The following NRP1 variants were observed in gnomAD, a reference collection of about 807,000 sequenced individuals.
The protein encoded by NRP1 is neuropilin-1.
NRP1 carries 35 observed loss-of-function variants against 106.7 expected under a neutral mutation model. The ratio of observed to expected loss-of-function variants is 0.33; its 90% CI spans 0.25 to 0.43. NRP1 has a LOEUF of 0.43. Ranked by LOEUF, NRP1 falls within the 20% of genes least tolerant of loss-of-function variation. NRP1 has a pLI of 1.00. For missense variants in NRP1, 1,024 were observed against 1,170.4 expected (o/e 0.87, Z 1.83); for synonymous variants, 437 against 417.9 (o/e 1.05, Z -0.56).
intron 2 of NRP1, among the ~76,000 whole-genome samples, chr10:33,307,812 G>A (rs1564474789): frequency 6.6e-6 from 1 of 152,072 alleles, no homozygotes; most frequent in Non-Finnish European, 1.5e-5. Flanking sequence ...CCAAATGCTT[G>A]TTTTTAAAAA....
At chr10:33,217,691 C>T (rs1309498991) in intron 8 of NRP1, among the ~76,000 whole-genome samples, 1 of 152,126 alleles carries the variant, frequency 6.6e-6, no homozygotes, top group African/African-American at 2.4e-5. Flanking sequence ...TTGCATGGGA[C>T]ATACTTATTC....
intron 6 of NRP1, among the ~76,000 whole-genome samples, chr10:33,251,948 C>A (rs538406141): frequency 3.3e-5 from 5 of 152,192 alleles, no homozygotes; most frequent in African/African-American, 9.6e-5. Context: ...AGGGCTCCAC[C>A]CCCACGGACC....
chr10:33,244,942 T>C (rs965560303), intron 6 of NRP1, among the ~76,000 whole-genome samples: 3 of 152,198 alleles, frequency 2.0e-5, no homozygotes, highest in Non-Finnish European at 4.4e-5. Context: ...TGAGACCCAA[T>C]TGTACAGGCT....
chr10:33,227,658 A>G (rs1290841854), intron 6 of NRP1, among the ~76,000 whole-genome samples: 2 of 151,930 alleles, frequency 1.3e-5, no homozygotes, highest in African/African-American at 4.8e-5. Flanking sequence ...TTCATCTCTC[A>G]CTAGCCTGTC....
At chr10:33,291,973 G>A (rs1845027115) in intron 2 of NRP1, among the ~76,000 whole-genome samples, 1 of 152,042 alleles carries the variant, frequency 6.6e-6, no homozygotes, top group Non-Finnish European at 1.5e-5. Flanking sequence ...GTGCAATCTC[G>A]GCTCACTGTA....
intron 11 of NRP1, among the ~76,000 whole-genome samples, chr10:33,198,527 G>A (rs1324281412): frequency 6.6e-6 from 1 of 151,832 alleles, no homozygotes; most frequent in Non-Finnish European, 1.5e-5. Flanking sequence ...TTCACTCCAC[G>A]GGCACTCACT....
chr10:33,314,079 C>T (rs1352035180), intron 2 of NRP1, among the ~76,000 whole-genome samples: 1 of 147,808 alleles, frequency 6.8e-6, no homozygotes, highest in Non-Finnish European at 1.5e-5. Context: ...TCCCTCCCTC[C>T]CTCCTCTCTC....
rs1012011669 is a variant in NRP1 at position 33,263,960 on chromosome 10, T to G, written c.431-87A>C. On this transcript the variant is annotated intron_variant, in intron 3 of 16. Transcript: ENST00000374867. ...ATAACCTGGGTAAAGACAGAACATC[T>G]TTCTAATAAAAGCCCGCCAGTATAA... is the stretch of plus-strand genomic sequence containing the variant. 3.5e-6 allele frequency: 3 copies of G among 849,638 alleles called. No homozygotes were observed. In the East Asian group the frequency reaches 7.3e-5, roughly 21 times the overall value. The allele number at this position is 849,638 out of a possible 1,614,324, so 52.6% of individuals were successfully genotyped here.
intron 10 of NRP1, chr10:33,205,806 C>T (rs186921853): frequency 3.0e-3 from 501 of 165,832 alleles, no homozygotes; most frequent in African/African-American, 0.011. Flanking sequence ...CAGCCTCCAG[C>T]TGCATGACCC....
At chr10:33,274,086 C>T (rs922895465) in intron 2 of NRP1, among the ~76,000 whole-genome samples, 1 of 152,208 alleles carries the variant, frequency 6.6e-6, no homozygotes, top group Admixed American at 6.5e-5. Context: ...TCTATAGTAA[C>T]AGTGGTAAAG....
chr10:33,329,145 A>G (rs1264239380), intron 2 of NRP1, among the ~76,000 whole-genome samples: 1 of 152,236 alleles, frequency 6.6e-6, no homozygotes, highest in Non-Finnish European at 1.5e-5. Flanking sequence ...GCAAAAATAA[A>G]TAAATCAATA....
At chr10:33,199,390 T>TATATATATATATA (rs57198890) in intron 11 of NRP1, among the ~76,000 whole-genome samples, 12 of 30,734 alleles carry the variant, frequency 3.9e-4, no homozygotes, top group African/African-American at 1.1e-3. Flanking sequence ...TATATATATA[T>TATATATATATATA]TTTTTTTTTT....
chr10:33,219,722 A>G (rs965287980), intron 8 of NRP1, among the ~76,000 whole-genome samples: 4 of 152,364 alleles, frequency 2.6e-5, no homozygotes, highest in South Asian at 2.1e-4. Context: ...AAAAAATTGT[A>G]TTCAACTAAA....
chr10:33,195,186 A>G (rs1026725623), intron 12 of NRP1, among the ~76,000 whole-genome samples: 1 of 152,204 alleles, frequency 6.6e-6, no homozygotes, highest in Non-Finnish European at 1.5e-5. Flanking sequence ...ACTTCTATAG[A>G]GCAGTTTAAC....
At chr10:33,288,706 T>C (rs1007473388) in intron 2 of NRP1, 2 of 152,194 alleles carry the variant, frequency 1.3e-5, no homozygotes, top group East Asian at 1.9e-4. Context: ...TTTTTTCTTA[T>C]TGCTGCTGAT....
At chr10:33,270,900 GC>G (rs1285173054) in intron 2 of NRP1, 44 bp from the exon 3 acceptor site, 3 of 1,494,038 alleles carry the variant, frequency 2.0e-6, no homozygotes, top group African/African-American at 2.8e-5. Context: ...GGTGAGAAAT[GC>G]CCTTTTAATT....
chr10:33,301,136 G>C (rs2132702695), intron 2 of NRP1, among the ~76,000 whole-genome samples: 1 of 152,294 alleles, frequency 6.6e-6, no homozygotes, highest in East Asian at 1.9e-4. Context: ...AAATAGGAGA[G>C]AGGCTCGGTG....
chr10:33,311,074 T>G (rs1395437940), intron 2 of NRP1, among the ~76,000 whole-genome samples: 2 of 152,070 alleles, frequency 1.3e-5, no homozygotes, highest in African/African-American at 4.8e-5. Context: ...GACCTAGAAT[T>G]ATAGGCAAAG....
chr10:33,275,744 ATTT>A (rs35978638), intron 2 of NRP1, among the ~76,000 whole-genome samples: 30,761 of 149,186 alleles, frequency 0.21, 3,332 homozygotes, highest in Middle Eastern at 0.25. Flanking sequence ...CTTCTCTACA[ATTT>A]TTTTTTTTTT....
Sources: gnomAD v4.1 joint callset for allele counts (sites outside exome capture counted in the v4.1 genomes callset) on GRCh38, gnomAD v4.1.1 for gene constraint, MANE v1.5 for transcripts, NCBI Gene and HGNC (gene_info 2026-07-23, HGNC 2026-07-21) for gene names.